Variants in ABL1 observed in about 807,000 individuals in gnomAD.
ABL1 encodes ABL proto-oncogene 1, non-receptor tyrosine kinase, also known as tyrosine-protein kinase ABL1.
A neutral mutation model predicts 94.7 loss-of-function variants in ABL1; 11 were observed. The observed-to-expected ratio is 0.12, with a 90% CI of 0.07 to 0.19. The LOEUF (loss-of-function observed/expected upper bound fraction) is 0.19. Among genes scored for constraint, ABL1 ranks in the 10% least tolerant of loss-of-function variants. The probability of loss-of-function intolerance (pLI) is 1.00; values close to 1 mark genes in which losing one functional copy is unlikely to be tolerated. For synonymous variants in ABL1, 656 were observed against 622.4 expected, an observed-to-expected ratio of 1.05 and a Z score of -0.80; for missense variants, 1,082 against 1,489.4, an observed-to-expected ratio of 0.73 and a Z score of 4.50.
chr9:130,854,330 A>C, intron 2 of ABL1, 93 bp downstream of exon 2: 1 of 1,432,554 alleles, frequency 7.0e-7, no homozygotes, highest in South Asian at 1.3e-5. Flanking sequence ...TTAAAGGAGC[A>C]GCTTTGAAAT....
chr9:130,836,855 A>G (rs956224892), intron 1 of ABL1, among the ~76,000 whole-genome samples: 1 of 151,842 alleles, frequency 6.6e-6, no homozygotes, highest in African/African-American at 2.4e-5. Context: ...AAGAGTAGAA[A>G]GAAATGTGAA....
upstream of ABL1, among the ~76,000 whole-genome samples, chr9:130,831,448 C>T (rs1249868378): frequency 4.6e-5 from 7 of 152,142 alleles, no homozygotes; most frequent in Non-Finnish European, 1.0e-4. Context: ...CTCTAATCAT[C>T]CAAGAAGAGT....
chr9:130,799,765 C>T (rs746387186), intron 1 of ABL1, among the ~76,000 whole-genome samples: 1 of 152,074 alleles, frequency 6.6e-6, no homozygotes, highest in Non-Finnish European at 1.5e-5. Flanking sequence ...CGGAGACTTC[C>T]AGGGAACTCT....
At chr9:130,873,369 C>T (rs971546046) in intron 6 of ABL1, among the ~76,000 whole-genome samples, 1 of 152,360 alleles carries the variant, frequency 6.6e-6, no homozygotes, top group South Asian at 2.1e-4. Context: ...TAATCACAGT[C>T]CCCTCTGAAA....
At chr9:130,851,976 G>A (rs745762863) in intron 1 of ABL1, among the ~76,000 whole-genome samples, 3 of 151,654 alleles carry the variant, frequency 2.0e-5, no homozygotes, top group Non-Finnish European at 4.4e-5. Flanking sequence ...ATGGGGTTTT[G>A]CCATGTTGGC....
chr9:130,733,909 C>T (rs917367159), intron 1 of ABL1, among the ~76,000 whole-genome samples: 4 of 151,896 alleles, frequency 2.6e-5, no homozygotes, highest in African/African-American at 9.7e-5. Flanking sequence ...CTTTCATATA[C>T]TTTTTTGTGA....
chr9:130,837,603 T>C (rs952862468), intron 1 of ABL1, among the ~76,000 whole-genome samples: 2 of 152,172 alleles, frequency 1.3e-5, no homozygotes, highest in Non-Finnish European at 1.5e-5. Context: ...AACCTTCTTC[T>C]AGGAAGGTGT....
chr9:130,804,557 C>T (rs958397043), intron 1 of ABL1, among the ~76,000 whole-genome samples: 2 of 152,162 alleles, frequency 1.3e-5, no homozygotes, highest in East Asian at 1.9e-4. Context: ...GCACTCCAGC[C>T]TGGGCAACAA....
chr9:130,883,795 G>A (rs951400986), intron 10 of ABL1, among the ~76,000 whole-genome samples, 174 bp from the exon 11 acceptor site: 5 of 152,162 alleles, frequency 3.3e-5, no homozygotes, highest in African/African-American at 1.2e-4. Context: ...AGATAAGAAG[G>A]GATGACCTTT....
Position 130,863,063 on chromosome 9 carries a change from G to T in ABL1, c.822+28G>T. The T allele has an allele frequency of 1.9e-6, 3 of 1,560,752 alleles. No individual in the cohort carries two copies. Among genetic ancestry groups the T allele is most frequent in the African/African-American group, 2.7e-5 (2 of 74,170 alleles). ...AGGCTGGGACTGCCGGGGGTGCCCAGGGTACGTGGGGCAAGGCGTCTGCTG... is the reference window on the plus strand; with the variant it reads ...AGGCTGGGACTGCCGGGGGTGCCCATGGTACGTGGGGCAAGGCGTCTGCTG... On this transcript the variant is annotated intron_variant, in intron 4 of 10. Coordinates refer to ENST00000318560, the MANE Select transcript of ABL1 (RefSeq NM_005157.6). This position sits in a 1 kb window ranked among gnomAD's most constrained non-coding sequence, Gnocchi z 4.3.
chr9:130,883,721 G>A (rs1831507482), intron 10 of ABL1, among the ~76,000 whole-genome samples: 1 of 152,198 alleles, frequency 6.6e-6, no homozygotes, highest in South Asian at 2.1e-4. Flanking sequence ...GGCCTATGAG[G>A]AGCTCTGGGA....
At chr9:130,817,580 GGTTGTAAATGACCCT>G (rs1302990787) in intron 1 of ABL1, among the ~76,000 whole-genome samples, 1 of 152,218 alleles carries the variant, frequency 6.6e-6, no homozygotes, top group Non-Finnish European at 1.5e-5. Flanking sequence ...GGACGCGTCA[GGTTGTAAATGACCCT>G]GTCTCCTTTG....
At chr9:130,754,811 G>A (rs1450445442) in intron 1 of ABL1, among the ~76,000 whole-genome samples, 2 of 152,100 alleles carry the variant, frequency 1.3e-5, no homozygotes, top group Non-Finnish European at 2.9e-5. Context: ...TTTAACAAGC[G>A]GACTAGGGAA....
At chr9:130,871,898 C>T (rs911194689) in intron 4 of ABL1, among the ~76,000 whole-genome samples, 2 of 152,244 alleles carry the variant, frequency 1.3e-5, no homozygotes, top group Non-Finnish European at 2.9e-5. Context: ...GCCAGCTTTG[C>T]CCTGTTGCCT....
At chr9:130,871,545 C>T (rs945553136) in intron 4 of ABL1, among the ~76,000 whole-genome samples, 5 of 152,346 alleles carry the variant, frequency 3.3e-5, no homozygotes, top group Middle Eastern at 3.4e-3. Flanking sequence ...ACCTGACAGA[C>T]AGTGATGACT....
At chr9:130,751,087 C>T (rs1831958957) in intron 1 of ABL1, among the ~76,000 whole-genome samples, 1 of 133,930 alleles carries the variant, frequency 7.5e-6, no homozygotes, top group Non-Finnish European at 1.6e-5. Context: ...TAAATGTTAT[C>T]ATTTTGTACA....
At chr9:130,723,780 G>A (rs78035854) in intron 1 of ABL1, among the ~76,000 whole-genome samples, 4,265 of 151,984 alleles carry the variant, frequency 0.028, 82 homozygotes, top group African/African-American at 0.05. Context: ...GTGTTGAAAC[G>A]TAGGTAGGTT....
intron 1 of ABL1, among the ~76,000 whole-genome samples, chr9:130,787,151 GC>G (rs1466387396): frequency 6.6e-6 from 1 of 152,162 alleles, no homozygotes; most frequent in Non-Finnish European, 1.5e-5. Flanking sequence ...CTCGTAGCCT[GC>G]CCGTGTCATT....
chr9:130,878,834 T>G (rs1332270299), intron 8 of ABL1, among the ~76,000 whole-genome samples: 1 of 152,186 alleles, frequency 6.6e-6, no homozygotes, highest in African/African-American at 2.4e-5. Context: ...GGGCCCTGCT[T>G]TCACAGACAT....
Sources: allele counts gnomAD v4.1 joint callset (sites outside exome capture counted in the v4.1 genomes callset), GRCh38; gene constraint gnomAD v4.1.1; non-coding constraint Gnocchi (gnomAD v3.1); transcripts MANE v1.5; gene names NCBI Gene and HGNC (gene_info 2026-07-23, HGNC 2026-07-21).